CNOT3: variants seen among roughly 807,000 people sequenced by gnomAD.
CNOT3 encodes the protein CCR4-NOT transcription complex subunit 3.
In CNOT3, 2 loss-of-function variants were observed where a neutral mutation model predicts 89.4. The ratio of observed to expected loss-of-function variants is 0.02; its 90% CI spans 0.01 to 0.07. The LOEUF (loss-of-function observed/expected upper bound fraction) is 0.07, where lower values mean the gene tolerates loss of function less well. Ranked by LOEUF, CNOT3 falls within the 10% of genes least tolerant of loss-of-function variation. CNOT3 has a pLI of 1.00. For missense variants in CNOT3, 664 were observed against 1,010.2 expected (o/e 0.66, Z 4.65); for synonymous variants, 486 against 402.0 (o/e 1.21, Z -2.50).
At position 54,144,239 on chromosome 19, in the gene CNOT3, T is replaced by C. The variant is rs769800910; in HGVS notation, c.390T>C (p.Asn130=). Residue 130 remains asparagine, a splice_region_variant and synonymous_variant, in exon 7 of 18, where the codon AAT becomes AAC. Coordinates refer to ENST00000221232, the MANE Select transcript of CNOT3 (RefSeq NM_014516.4). This position sits in a 1 kb window ranked among gnomAD's most constrained non-coding sequence, Gnocchi z 4.8. ...EKEEVGQWLT[N]TIDTLNMQVD... ...TCCTCTTCCTCTCCCTCCCCTAGAA[T>C]ACCATCGACACGCTCAACATGCAGG... 3 of 1,613,908 alleles carry C rather than the reference T, an allele frequency of 1.9e-6. No homozygotes were observed. The highest frequency in any genetic ancestry group is 2.5e-6 in the Non-Finnish European group (3 of 1,179,866).
In CNOT3 at chr19:54,144,510, G is replaced by T. The variant is rs1054100109; in HGVS notation, c.483+178G>T. Among the ~76,000 whole-genome samples the T allele has an allele frequency of 6.6e-6, 1 of 152,206 alleles. No homozygotes were observed. Among genetic ancestry groups the T allele is most frequent in the Non-Finnish European group, 1.5e-5 (1 of 68,036 alleles). On this transcript the variant is annotated intron_variant, in intron 7 of 17. Coordinates refer to ENST00000221232, the MANE Select transcript of CNOT3 (RefSeq NM_014516.4). This position sits in a 1 kb window ranked among gnomAD's most constrained non-coding sequence, Gnocchi z 4.8. Reference sequence around the variant, plus strand: ...GATTGGGAGGGCTTAGCAGCTGCACGCGTGGGGCAGGAAGGAGGTCAGACA... The same window carrying T: ...GATTGGGAGGGCTTAGCAGCTGCACTCGTGGGGCAGGAAGGAGGTCAGACA...
intron 16 of CNOT3, 40 bp downstream of exon 16, chr19:54,153,039 T>G: frequency 6.3e-7 from 1 of 1,581,438 alleles, no homozygotes; most frequent in East Asian, 2.2e-5. Context: ...GCCCCCCGGC[T>G]TCGCCGCCAC....
intron 9 of CNOT3, among the ~76,000 whole-genome samples, chr19:54,146,247 C>T (rs768886668): frequency 5.9e-5 from 9 of 152,164 alleles, no homozygotes; most frequent in African/African-American, 1.2e-4. Flanking sequence ...GTGCATCCCG[C>T]GCCAGTTTAG....
chr19:54,155,077 T>G, intron 17 of CNOT3: 1 of 561,474 alleles, frequency 1.8e-6, no homozygotes, highest in South Asian at 2.2e-5. Context: ...GGCAGCTGGC[T>G]TCGGTGGAAC....
At chr19:54,155,066 T>C in intron 17 of CNOT3, 3 of 555,730 alleles carry the variant, frequency 5.4e-6, no homozygotes, top group South Asian at 4.4e-5. Flanking sequence ...GGCCCCGTTC[T>C]GGCAGCTGGC....
intron 16 of CNOT3, chr19:54,153,354 G>A (rs766905557): frequency 1.3e-6 from 1 of 762,578 alleles, no homozygotes; most frequent in South Asian, 1.4e-5. Context: ...AGGCCTCCCT[G>A]GAGACCACTG....
At chr19:54,152,126 G>A in intron 13 of CNOT3, 100 bp from the exon 14 acceptor site, 2 of 1,290,338 alleles carry the variant, frequency 1.5e-6, no homozygotes, top group Admixed American at 1.9e-5. Context: ...GCCCTCCACG[G>A]CCCCCAAACA....
intron 1 of CNOT3, chr19:54,141,892 C>T (rs960253877): frequency 6.6e-6 from 1 of 152,200 alleles, no homozygotes; most frequent in Non-Finnish European, 1.5e-5. Flanking sequence ...CCTCTCTTCC[C>T]AGGGCTCCCC....
chr19:54,152,112 G>A lies in CNOT3; in HGVS notation c.1606-114G>A, dbSNP rs933450535. 3.2e-5 allele frequency: 34 copies of A among 1,060,154 alleles called. No homozygotes were observed. The African/African-American group carries it at 4.0e-4, about 12-fold the overall frequency. 65.7% of individuals were successfully genotyped at this position (1,060,154 alleles called of 1,614,324 possible). A position where few individuals can be genotyped will look rare whatever the true frequency, so the allele number is the denominator to read the frequency against. On this transcript the variant is annotated intron_variant, in intron 13 of 17. Transcript: ENST00000221232. Reference sequence around the variant, plus strand: ...ATGGGTAGATTGTGGGGAGTGGGTCGTTGGCCCTCCACGGCCCCCAAACAG... The same window carrying A: ...ATGGGTAGATTGTGGGGAGTGGGTCATTGGCCCTCCACGGCCCCCAAACAG...
rs2074573940 is a variant in CNOT3, at chr19:54,144,397, A to G, written c.483+65A>G. The G allele has an allele frequency of 8.2e-7, 1 of 1,221,966 alleles. No individual in the cohort carries two copies. The highest frequency in any genetic ancestry group is 1.2e-6 in the Non-Finnish European group (1 of 830,526). 75.7% of individuals were successfully genotyped at this position (1,221,966 alleles called of 1,614,324 possible). ...GCATGGGAATGGGCTGGCCAGCAGG[A>G]GGCCAGTCATTTATGCTCCTGGGAG... On this transcript the variant is annotated intron_variant, in intron 7 of 17. Coordinates refer to ENST00000221232, the MANE Select transcript of CNOT3 (RefSeq NM_014516.4). The surrounding 1 kb of genome is among the most constrained non-coding windows in gnomAD (Gnocchi z 4.8).
rs1230788516 is a variant in CNOT3 at position 54,146,673 on chromosome 19, G to T, written c.894+16G>T. On this transcript the variant is annotated intron_variant, in intron 10 of 17. Transcript: ENST00000221232. ...AGTCAGCCAGGTGGGTGTGAGCCTG[G>T]ACCGGGTGGGCACGCCATTCACTCC... 3 of 1,430,100 alleles carry T rather than the reference G, an allele frequency of 2.1e-6. No individual in the cohort carries two copies. The highest frequency in any genetic ancestry group is 3.0e-6 in the Non-Finnish European group (3 of 1,012,116). The allele number at this position is 1,430,100 out of a possible 1,614,324, so 88.6% of individuals were successfully genotyped here. A position where few individuals can be genotyped will look rare whatever the true frequency, so the allele number is the denominator to read the frequency against.
chr19:54,151,451 C>G (rs1269041927), intron 13 of CNOT3, among the ~76,000 whole-genome samples: 1 of 152,134 alleles, frequency 6.6e-6, no homozygotes, highest in African/African-American at 2.4e-5. Context: ...CACCTGTAAT[C>G]CCAGCTCTTA....
At chr19:54,146,519 C>T (rs1402037379) in intron 9 of CNOT3, 82 bp from the exon 10 acceptor site, 5 of 792,968 alleles carry the variant, frequency 6.3e-6, no homozygotes, top group South Asian at 2.7e-5. Context: ...GGGCCCAGGT[C>T]CCCGGGGCAT....
Position 54,144,569 on chromosome 19 carries a change from C to T in CNOT3, c.483+237C>T, listed in dbSNP as rs1316516132. Among the ~76,000 whole-genome samples, 2 of 152,036 alleles carry T rather than the reference C, an allele frequency of 1.3e-5. No homozygotes were observed. Among genetic ancestry groups the T allele is most frequent in the African/African-American group, 2.4e-5 (1 of 41,398 alleles). On this transcript the variant is annotated intron_variant, in intron 7 of 17. Coordinates refer to ENST00000221232, the MANE Select transcript of CNOT3 (RefSeq NM_014516.4). The surrounding 1 kb of genome is among the most constrained non-coding windows in gnomAD (Gnocchi z 4.8). ...GGGTCCCCTGGGTGTCTGGGTAGAC[C>T]GTGGGGCCTTTGTGAAGAGGAGCGA... is the stretch of plus-strand genomic sequence containing the variant.
At chr19:54,142,205 T>C (rs1211258943) in intron 1 of CNOT3, 1 of 152,406 alleles carries the variant, frequency 6.6e-6, no homozygotes, top group Non-Finnish European at 1.5e-5. Flanking sequence ...TACTGCCTTC[T>C]GCCCCCAAAT....
At chr19:54,151,786 C>G (rs1470693037) in intron 13 of CNOT3, among the ~76,000 whole-genome samples, 1 of 152,212 alleles carries the variant, frequency 6.6e-6, no homozygotes, top group African/African-American at 2.4e-5. Flanking sequence ...ATGCCAGTCA[C>G]AGGCAGACAG....
chr19:54,152,406 C>T (rs765753547), intron 14 of CNOT3, 22 bp from the exon 15 acceptor site: 66 of 1,613,598 alleles, frequency 4.1e-5, no homozygotes, highest in Admixed American at 3.7e-4. Context: ...CTGAGGGGGC[C>T]GGACCCCCAC....
At chr19:54,151,695 G>T (rs749044074) in intron 13 of CNOT3, among the ~76,000 whole-genome samples, 1 of 152,166 alleles carries the variant, frequency 6.6e-6, no homozygotes, top group African/African-American at 2.4e-5. Flanking sequence ...GTGGCTGCGG[G>T]GCTGGAGACC....
rs587668503 is a variant in CNOT3, at chr19:54,144,996, G to A, written c.484-602G>A. Among the ~76,000 whole-genome samples the A allele has an allele frequency of 8.5e-5, 13 of 152,204 alleles. 1 individual carries two copies. The East Asian group carries it at 2.5e-3, about 29-fold the overall frequency. On this transcript the variant is annotated intron_variant, in intron 7 of 17. Transcript: ENST00000221232. The surrounding 1 kb of genome is among the most constrained non-coding windows in gnomAD (Gnocchi z 4.8). ...GGTTTGGGAACCAGGGGCTTTCGGG[G>A]AGATGATGGGTCCTTGAACAGAGCA...
Sources: gnomAD v4.1 joint callset for allele counts (sites outside exome capture counted in the v4.1 genomes callset) on GRCh38, gnomAD v4.1.1 for gene constraint, Gnocchi (gnomAD v3.1) non-coding constraint, MANE v1.5 for transcripts, NCBI Gene and HGNC (gene_info 2026-07-23, HGNC 2026-07-21) for gene names.